TTLL6: variants seen among roughly 807,000 people sequenced by gnomAD.
TTLL6 encodes tubulin tyrosine ligase like 6, also known as tubulin polyglutamylase TTLL6.
TTLL6 carries 75 observed loss-of-function variants against 96.4 expected under a neutral mutation model. That is an observed-to-expected ratio of 0.78 (90% confidence interval 0.65 to 0.94). The LOEUF is 0.94. Ranked by LOEUF, TTLL6 falls within the 40% of genes least tolerant of loss-of-function variation. The pLI is 0.00. For missense variants in TTLL6, 1,030 were observed against 1,093.0 expected (o/e 0.94, Z 0.81); for synonymous variants, 411 against 419.4 (o/e 0.98, Z 0.24).
intron 1 of TTLL6, among the ~76,000 whole-genome samples, chr17:48,816,215 G>T (rs1042719346): frequency 1.3e-5 from 2 of 151,980 alleles, no homozygotes; most frequent in Non-Finnish European, 2.9e-5. Context: ...AGCCCAAGTG[G>T]GAGGATCACT....
intron 8 of TTLL6, among the ~76,000 whole-genome samples, chr17:48,795,543 G>A (rs992189909): frequency 2.0e-5 from 3 of 151,966 alleles, no homozygotes; most frequent in South Asian, 2.1e-4. Flanking sequence ...AAAGCCTCTC[G>A]TGAAGATACT....
At position 48,780,338 on chromosome 17, in the gene TTLL6, G is replaced by A. The variant is rs531036232; in HGVS notation, c.2040+4585C>T. On this transcript the variant is annotated intron_variant, in intron 13 of 15. Transcript: ENST00000393382. ...TGGCATTACAGATGGGAGCCACTGCGCCCAGACTCTACTTTAAAAAATCCA... is the reference window on the plus strand; with the variant it reads ...TGGCATTACAGATGGGAGCCACTGCACCCAGACTCTACTTTAAAAAATCCA... Among the ~76,000 whole-genome samples, 45 of 152,042 alleles carry A rather than the reference G, an allele frequency of 3.0e-4. No homozygotes were observed. The South Asian group carries it at 7.1e-3, about 24-fold the overall frequency.
chr17:48,810,458 C>T (rs1839968892), intron 1 of TTLL6, among the ~76,000 whole-genome samples: 1 of 152,130 alleles, frequency 6.6e-6, no homozygotes, highest in South Asian at 2.1e-4. Context: ...AGGCTGAATC[C>T]TGTCTCTCCA....
In TTLL6 at chr17:48,775,122, T is replaced by TA. The variant is rs796616549; in HGVS notation, c.2041-5026dup. Among the ~76,000 whole-genome samples, 692 of 142,268 alleles carry TA rather than the reference T, an allele frequency of 4.9e-3. 5 individuals carry two copies. Among genetic ancestry groups the TA allele is most frequent in the Non-Finnish European group, 5.6e-3 (363 of 64,686 alleles). The allele number at this position is 142,268 out of a possible 152,430, so 93.3% of individuals were successfully genotyped here. A position where few individuals can be genotyped will look rare whatever the true frequency, so the allele number is the denominator to read the frequency against. On this transcript the variant is annotated intron_variant, in intron 13 of 15. Coordinates refer to ENST00000393382, the MANE Select transcript of TTLL6 (RefSeq NM_001130918.3). ...TGGGTGACAGAGTGAGACTCCATCTTAAAAAAAAAAAAGAAAGAAAGAACA... is the reference window on the plus strand; with the variant it reads ...TGGGTGACAGAGTGAGACTCCATCTTAAAAAAAAAAAAAGAAAGAAAGAACA...
intron 13 of TTLL6, among the ~76,000 whole-genome samples, chr17:48,778,159 C>T (rs1236105529): frequency 6.6e-6 from 1 of 151,756 alleles, no homozygotes. Flanking sequence ...TACCTGTAGT[C>T]CCAGCTACTT....
intron 1 of TTLL6, among the ~76,000 whole-genome samples, chr17:48,809,492 C>T (rs1020902832): frequency 3.9e-5 from 6 of 152,116 alleles, no homozygotes; most frequent in African/African-American, 1.4e-4. Context: ...TCTAGAAGTG[C>T]GGGTTCTCTT....
intron 13 of TTLL6, among the ~76,000 whole-genome samples, chr17:48,773,441 A>G (rs2038791489): frequency 1.3e-5 from 2 of 152,210 alleles, no homozygotes; most frequent in African/African-American, 4.8e-5. Flanking sequence ...AACCACACCC[A>G]GACACATTAC....
intron 13 of TTLL6, among the ~76,000 whole-genome samples, chr17:48,779,858 A>G (rs2038953594): frequency 6.6e-6 from 1 of 152,172 alleles, no homozygotes; most frequent in Non-Finnish European, 1.5e-5. Context: ...AACAGGCAAA[A>G]CTAAGGTGAA....
Position 48,805,003 on chromosome 17 carries a change from G to A in TTLL6, c.104-12C>T. ...GAAATACCAGGCCCCTAGAGAGAGGGCAGAGGGAGCCGCAGTTACAGAGAT... is the reference window on the plus strand; with the variant it reads ...GAAATACCAGGCCCCTAGAGAGAGGACAGAGGGAGCCGCAGTTACAGAGAT... On this transcript the variant is annotated splice_polypyrimidine_tract_variant and intron_variant, in intron 1 of 15. Transcript: ENST00000393382. The A allele has an allele frequency of 6.5e-7, 1 of 1,545,716 alleles. No homozygotes were observed. The highest frequency in any genetic ancestry group is 8.8e-7 in the Non-Finnish European group (1 of 1,142,068).
chr17:48,813,571 A>G (rs948777207), intron 1 of TTLL6, among the ~76,000 whole-genome samples: 9 of 152,174 alleles, frequency 5.9e-5, no homozygotes, highest in Non-Finnish European at 8.8e-5. Flanking sequence ...AAACAAAAAG[A>G]AAAAGAAAAA....
intron 13 of TTLL6, among the ~76,000 whole-genome samples, chr17:48,783,173 T>G (rs1387898341): frequency 1.3e-5 from 2 of 152,062 alleles, no homozygotes; most frequent in African/African-American, 4.8e-5. Context: ...TGAAATAAAG[T>G]GGATTTCTTA....
At chr17:48,802,134 GAAAGAAAGAAAGAA>G (rs1567733734) in intron 3 of TTLL6, among the ~76,000 whole-genome samples, 1 of 125,508 alleles carries the variant, frequency 8.0e-6, no homozygotes, top group South Asian at 2.5e-4. Flanking sequence ...AAGAAAGAAA[GAAAGAAAGAAAGAA>G]AGAAAATAAA....
chr17:48,798,554 G>A lies in TTLL6; in HGVS notation c.768+1050C>T, dbSNP rs190660021. Among the ~76,000 whole-genome samples the A allele has an allele frequency of 5.1e-3, 778 of 152,108 alleles. 7 individuals are homozygous for A. Among genetic ancestry groups the A allele is most frequent in the Middle Eastern group, 0.014 (4 of 294 alleles). On this transcript the variant is annotated intron_variant, in intron 6 of 15. Coordinates refer to ENST00000393382, the MANE Select transcript of TTLL6 (RefSeq NM_001130918.3). Reference sequence around the variant, plus strand: ...TGCACTCCAGCCTGAGCAACAGAGTGAGGCTCTGTCTCAAAAAAAATAACA... The same window carrying A: ...TGCACTCCAGCCTGAGCAACAGAGTAAGGCTCTGTCTCAAAAAAAATAACA...
At chr17:48,786,105 G>A (rs932658127) in intron 12 of TTLL6, 59 bp downstream of exon 12, 20 of 1,605,538 alleles carry the variant, frequency 1.2e-5, no homozygotes, top group African/African-American at 1.1e-4. Context: ...ACCCCTCCAC[G>A]GATCAGGCCC....
rs574848052 is a variant in TTLL6, at chr17:48,793,460, G to A, written c.999-1857C>T. Among the ~76,000 whole-genome samples, 39 of 152,260 alleles carry A rather than the reference G, an allele frequency of 2.6e-4. 1 individual carries two copies. The South Asian group carries it at 7.7e-3, about 30-fold the overall frequency. ...TACAAAAAATTGGCCAAGCATGGTG[G>A]TGGGCGCCTGTAATCCCAGCTACTT... is the stretch of plus-strand genomic sequence containing the variant. On this transcript the variant is annotated intron_variant, in intron 8 of 15. Transcript: ENST00000393382.
At chr17:48,782,586 T>C (rs2039010654) in intron 13 of TTLL6, among the ~76,000 whole-genome samples, 1 of 152,248 alleles carries the variant, frequency 6.6e-6, no homozygotes, top group Non-Finnish European at 1.5e-5. Context: ...ACTGTGCTTT[T>C]AGTGGCATAT....
chr17:48,777,048 A>ACACACC (rs553043046), intron 13 of TTLL6, among the ~76,000 whole-genome samples: 70 of 148,540 alleles, frequency 4.7e-4, no homozygotes, highest in South Asian at 6.9e-4. Context: ...ACACACACAC[A>ACACACC]CCCCTAAAAA....
Position 48,769,080 on chromosome 17 carries a change from TG to T in TTLL6, c.2584del (p.His862ThrfsTer5). 1.2e-6 allele frequency: 2 copies of T among 1,614,218 alleles called. No individual in the cohort carries two copies. The highest frequency in any genetic ancestry group is 2.2e-5 in the South Asian group (2 of 91,086). Reference sequence around the variant, plus strand: ...ACATGGGTCCCTCATAGCACTTGCGTGGCTTCTACAAGGCCTTGGATCCAGT... The same window carrying T: ...ACATGGGTCCCTCATAGCACTTGCGTGCTTCTACAAGGCCTTGGATCCAGT... ...AQLDPRPCRS[H>X]ASAMRDPCMQ... On this transcript the variant is annotated frameshift_variant, in exon 15 of 16. Transcript: ENST00000393382. LOFTEE classifies it high-confidence loss of function.
At chr17:48,781,600 T>C (rs1285794564) in intron 13 of TTLL6, among the ~76,000 whole-genome samples, 1 of 152,226 alleles carries the variant, frequency 6.6e-6, no homozygotes, top group Non-Finnish European at 1.5e-5. Flanking sequence ...GTTTATCTTC[T>C]TTAGAAAAAT....
Sources: gnomAD v4.1 joint callset for allele counts (sites outside exome capture counted in the v4.1 genomes callset) on GRCh38, gnomAD v4.1.1 for gene constraint, MANE v1.5 for transcripts, NCBI Gene and HGNC (gene_info 2026-07-23, HGNC 2026-07-21) for gene names.